Variants in POLA1 observed in about 807,000 individuals in gnomAD.
The protein encoded by POLA1 is DNA polymerase alpha catalytic subunit.
A neutral mutation model predicts 124.0 loss-of-function variants in POLA1; 15 were observed. The ratio of observed to expected loss-of-function variants is 0.12; its 90% CI spans 0.08 to 0.19. POLA1 has a LOEUF of 0.19. Ranked by LOEUF, POLA1 falls within the 10% of genes least tolerant of loss-of-function variation. POLA1 has a pLI of 1.00. For missense variants in POLA1, 886 were observed against 1,103.4 expected, an observed-to-expected ratio of 0.80 and a Z score of 2.79; for synonymous variants, 408 against 389.4, an observed-to-expected ratio of 1.05 and a Z score of -0.56.
At chrX:24,920,612 A>G (rs866705647) in intron 35 of POLA1, among the ~76,000 whole-genome samples, 2 of 112,410 alleles carry the variant, frequency 1.8e-5, no homozygotes, top group African/African-American at 6.5e-5. Flanking sequence ...AAAACCTGGC[A>G]TCAAGTATTG....
intron 30 of POLA1, among the ~76,000 whole-genome samples, chrX:24,815,620 G>GA (rs1203126009): frequency 1.8e-5 from 2 of 111,658 alleles, no homozygotes; most frequent in African/African-American, 6.5e-5. Context: ...TACCTAATTT[G>GA]AAAAACAGAA....
At chrX:24,983,030 G>A (rs2048439398) in intron 36 of POLA1, among the ~76,000 whole-genome samples, 1 of 112,023 alleles carries the variant, frequency 8.9e-6, no homozygotes, top group Non-Finnish European at 1.9e-5. Flanking sequence ...AATAATAAAA[G>A]CAACTCAGAC....
chrX:24,698,428 A>G (rs921492168), intron 1 of POLA1, among the ~76,000 whole-genome samples: 2 of 111,707 alleles, frequency 1.8e-5, no homozygotes, highest in Non-Finnish European at 3.8e-5. Context: ...GAAATAAGTG[A>G]TATACCAATA....
chrX:24,709,168 A>G (rs1929086577), intron 4 of POLA1, among the ~76,000 whole-genome samples: 3 of 79,077 alleles, frequency 3.8e-5, no homozygotes, highest in East Asian at 4.9e-4. Flanking sequence ...CACCTCCCGG[A>G]CGGGGCGGCT....
intron 36 of POLA1, among the ~76,000 whole-genome samples, chrX:24,959,148 C>T (rs1034066006): frequency 2.7e-5 from 3 of 111,725 alleles, no homozygotes; most frequent in Non-Finnish European, 5.6e-5. Flanking sequence ...TCTTCTCTCC[C>T]ATTCCCTCCA....
intron 32 of POLA1, among the ~76,000 whole-genome samples, 178 bp from the exon 33 acceptor site, chrX:24,841,474 A>G (rs780816228): frequency 8.9e-6 from 1 of 112,253 alleles, no homozygotes; most frequent in East Asian, 2.8e-4. Context: ...TGTTGCAGTT[A>G]CTTGTTTTAT....
intron 30 of POLA1, among the ~76,000 whole-genome samples, chrX:24,818,961 AT>A (rs1485460272): frequency 2.7e-5 from 3 of 111,320 alleles, no homozygotes; most frequent in Non-Finnish European, 5.7e-5. Context: ...GTATTTTAGT[AT>A]TTTTTTTCTG....
intron 36 of POLA1, among the ~76,000 whole-genome samples, chrX:24,952,886 G>A (rs1281318140): frequency 1.8e-5 from 2 of 112,076 alleles, no homozygotes; most frequent in Non-Finnish European, 3.8e-5. Context: ...AGGGTGATGT[G>A]GTGATACAGT....
intron 4 of POLA1, among the ~76,000 whole-genome samples, chrX:24,709,393 AC>A (rs1314699853): frequency 4.9e-5 from 3 of 61,422 alleles, no homozygotes; most frequent in African/African-American, 1.3e-4. Flanking sequence ...CGGGGGGCTG[AC>A]CCCCCCACCT....
At chrX:24,741,971 T>G in intron 21 of POLA1, 31 bp from the exon 22 acceptor site, 1 of 1,161,414 alleles carries the variant, frequency 8.6e-7, no homozygotes, top group Non-Finnish European at 1.1e-6. Context: ...GGTTTTGAGC[T>G]CAAATTTAAA....
At chrX:24,908,084 A>G (rs903683222) in intron 35 of POLA1, among the ~76,000 whole-genome samples, 3 of 111,238 alleles carry the variant, frequency 2.7e-5, no homozygotes, top group Admixed American at 9.5e-5. Flanking sequence ...GCAATGTTCA[A>G]ATAACCAAGA....
At chrX:24,726,880 A>G in intron 13 of POLA1, 53 bp from the exon 14 acceptor site, 1 of 987,215 alleles carries the variant, frequency 1.0e-6, no homozygotes, top group Non-Finnish European at 1.4e-6. Context: ...ACTTTGGAAA[A>G]TGCAAAGTAA....
chrX:24,900,698 C>T (rs1439656219), intron 35 of POLA1, among the ~76,000 whole-genome samples: 1 of 111,533 alleles, frequency 9.0e-6, no homozygotes, highest in Non-Finnish European at 1.9e-5. Context: ...CTTCATTGTT[C>T]CTGCATTTAC....
intron 34 of POLA1, among the ~76,000 whole-genome samples, chrX:24,886,260 T>C (rs181172434): frequency 3.1e-4 from 35 of 112,070 alleles, no homozygotes; most frequent in African/African-American, 1.0e-3. Flanking sequence ...CCCTTTTGCC[T>C]ATTCTTCACA....
At chrX:24,926,905 C>A (rs2147207621) in intron 35 of POLA1, among the ~76,000 whole-genome samples, 1 of 109,935 alleles carries the variant, frequency 9.1e-6, no homozygotes, top group East Asian at 2.9e-4. Context: ...GATCTCGGCT[C>A]ACTGCAACCT....
intron 34 of POLA1, among the ~76,000 whole-genome samples, chrX:24,851,296 GT>G (rs2046557501): frequency 8.9e-6 from 1 of 112,507 alleles, no homozygotes; most frequent in Non-Finnish European, 1.9e-5. Context: ...GTCCTGAGAG[GT>G]TGGTGCTATC....
chrX:24,760,233 T>C (rs1234516040), intron 26 of POLA1, among the ~76,000 whole-genome samples: 1 of 112,020 alleles, frequency 8.9e-6, no homozygotes, highest in African/African-American at 3.2e-5. Flanking sequence ...TTTTTTTTTC[T>C]TCTTTTCACA....
chrX:24,842,001 C>G (rs903728298), intron 33 of POLA1, 171 bp downstream of exon 33: 1 of 388,115 alleles, frequency 2.6e-6, no homozygotes, highest in Admixed American at 5.6e-5. Context: ...GCTTTTATTT[C>G]TGTTTGAAAA....
intron 1 of POLA1, among the ~76,000 whole-genome samples, chrX:24,695,899 G>C (rs935402364): frequency 8.9e-6 from 1 of 112,564 alleles, no homozygotes; most frequent in Non-Finnish European, 1.9e-5. Flanking sequence ...TATGATGGTG[G>C]GTAGGCTGGA....
Sources: allele counts gnomAD v4.1 joint callset (sites outside exome capture counted in the v4.1 genomes callset), GRCh38; gene constraint gnomAD v4.1.1; transcripts MANE v1.5; gene names NCBI Gene and HGNC (gene_info 2026-07-23, HGNC 2026-07-21).